Variants in ABCA13 observed in about 807,000 individuals in gnomAD.
ABCA13 encodes the protein ATP binding cassette subfamily A member 13.
A neutral mutation model predicts 478.7 loss-of-function variants in ABCA13; 476 were observed. That is an observed-to-expected ratio of 0.99 (90% CI 0.92 to 1.07). The LOEUF is 1.07. Among genes scored for constraint, ABCA13 ranks in the 50% least tolerant of loss-of-function variants. The pLI is 0.00. For missense variants in ABCA13, 6,060 were observed against 5,910.6 expected (o/e 1.03, Z -0.83); for synonymous variants, 2,252 against 2,158.9 (o/e 1.04, Z -1.20).
At chr7:48,307,595 T>C (rs1801095689) in intron 23 of ABCA13, among the ~76,000 whole-genome samples, 1 of 152,284 alleles carries the variant, frequency 6.6e-6, no homozygotes, top group African/African-American at 2.4e-5. Context: ...ACATTGTGTG[T>C]TTCTACATTT....
intron 8 of ABCA13, 128 bp from the exon 9 acceptor site, chr7:48,239,113 A>T: frequency 1.1e-6 from 1 of 948,720 alleles, no homozygotes. Context: ...CATAGATATC[A>T]TCACTTACTT....
chr7:48,355,522 T>C (rs556295985), intron 31 of ABCA13, among the ~76,000 whole-genome samples: 3 of 152,158 alleles, frequency 2.0e-5, no homozygotes, highest in African/African-American at 7.2e-5. Context: ...ATCTGACTTA[T>C]ACTGTAAAAG....
At position 48,273,635 on chromosome 7, in the gene ABCA13, C is replaced by A. The variant is rs1584553666; in HGVS notation, c.3969C>A (p.Ile1323=). 1.2e-6 allele frequency: 2 copies of A among 1,604,616 alleles called. No homozygotes were observed. The highest frequency in any genetic ancestry group is 1.3e-5 in the African/African-American group (1 of 74,762). The change falls in exon 17 of 62, where the codon ATC becomes ATA. Residue 1323 remains isoleucine (I), a synonymous_variant. Transcript: ENST00000435803. ...ATTATGGAGAAAAATTTGAAAATAT[C>A]ATCACTGAGCTAAGAGAAGCAATAG... ...LTNYGEKFEN[I]ITELREAIVF... is the part of the protein sequence containing the mutation.
chr7:48,353,164 C>A (rs1809324114), intron 31 of ABCA13, among the ~76,000 whole-genome samples: 1 of 151,670 alleles, frequency 6.6e-6, no homozygotes, highest in Non-Finnish European at 1.5e-5. Context: ...AGCTTGGACA[C>A]CTTGGCAGGT....
chr7:48,466,563 C>CT (rs946207496), intron 43 of ABCA13, among the ~76,000 whole-genome samples: 2 of 152,130 alleles, frequency 1.3e-5, no homozygotes, highest in African/African-American at 4.8e-5. Flanking sequence ...GGAGCTCCAA[C>CT]TTTAAGAGCA....
At chr7:48,284,969 CA>C (rs1797529483) in intron 19 of ABCA13, among the ~76,000 whole-genome samples, 1 of 152,136 alleles carries the variant, frequency 6.6e-6, no homozygotes, top group Non-Finnish European at 1.5e-5. Context: ...ATATTTTCGT[CA>C]TATCACAGAG....
intron 32 of ABCA13, among the ~76,000 whole-genome samples, chr7:48,370,107 C>G (rs574918029): frequency 6.6e-6 from 1 of 152,142 alleles, no homozygotes; most frequent in South Asian, 2.1e-4. Flanking sequence ...TGGTTCACCT[C>G]CTTGTTTAGG....
At chr7:48,543,777 CATT>C (rs1271821287) in intron 55 of ABCA13, among the ~76,000 whole-genome samples, 5 of 151,588 alleles carry the variant, frequency 3.3e-5, no homozygotes, top group East Asian at 1.9e-4. Context: ...TATTTTTAAT[CATT>C]ATAAACAACT....
intron 52 of ABCA13, among the ~76,000 whole-genome samples, chr7:48,518,818 A>G (rs1458985026): frequency 6.6e-6 from 1 of 152,142 alleles, no homozygotes; most frequent in Non-Finnish European, 1.5e-5. Flanking sequence ...AAATAAAAAT[A>G]TTTTAAGTTC....
intron 3 of ABCA13, among the ~76,000 whole-genome samples, chr7:48,216,144 C>T (rs946762161): frequency 5.9e-5 from 9 of 152,130 alleles, no homozygotes; most frequent in Non-Finnish European, 8.8e-5. Flanking sequence ...GATAGCTCTA[C>T]GTCTAACATT....
At chr7:48,442,187 C>T (rs1193704784) in intron 42 of ABCA13, among the ~76,000 whole-genome samples, 3 of 152,216 alleles carry the variant, frequency 2.0e-5, no homozygotes, top group African/African-American at 4.8e-5. Context: ...TCACGTTGCC[C>T]ATGTGTAAGC....
chr7:48,345,535 A>G (rs950277081), intron 29 of ABCA13, among the ~76,000 whole-genome samples: 5 of 152,200 alleles, frequency 3.3e-5, no homozygotes, highest in African/African-American at 1.2e-4. Flanking sequence ...TTAAAAAGAA[A>G]GAAAAAACCT....
chr7:48,192,064 T>C (rs151133899), intron 1 of ABCA13, among the ~76,000 whole-genome samples: 10,813 of 152,316 alleles, frequency 0.071, 469 homozygotes, highest in East Asian at 0.16. Flanking sequence ...TGCAAAATGA[T>C]GTCACATGAA....
intron 38 of ABCA13, among the ~76,000 whole-genome samples, chr7:48,395,081 T>C (rs1816651141): frequency 6.6e-6 from 1 of 152,196 alleles, no homozygotes; most frequent in Non-Finnish European, 1.5e-5. Flanking sequence ...GCCTCTCTCT[T>C]GCAGGCCTGT....
At chr7:48,182,196 T>C (rs1204400952) in intron 1 of ABCA13, among the ~76,000 whole-genome samples, 1 of 152,220 alleles carries the variant, frequency 6.6e-6, no homozygotes, top group African/African-American at 2.4e-5. Flanking sequence ...TAAATATGTA[T>C]ATTTAACTCC....
chr7:48,181,696 C>T (rs2128871645), intron 1 of ABCA13, among the ~76,000 whole-genome samples: 1 of 152,158 alleles, frequency 6.6e-6, no homozygotes, highest in South Asian at 2.1e-4. Flanking sequence ...TATGCCACTG[C>T]ATAGATTTAC....
intron 55 of ABCA13, among the ~76,000 whole-genome samples, chr7:48,548,548 A>ATTT (rs35317081): frequency 6.9e-6 from 1 of 144,746 alleles, no homozygotes; most frequent in African/African-American, 2.5e-5. Flanking sequence ...CATGTAACAC[A>ATTT]TTTTTTTTTT....
chr7:48,283,245 G>A (rs1797289925), intron 19 of ABCA13, among the ~76,000 whole-genome samples: 1 of 152,170 alleles, frequency 6.6e-6, no homozygotes, highest in Non-Finnish European at 1.5e-5. Context: ...CTGTGAGCCA[G>A]GAGTATGGAC....
At chr7:48,181,450 C>A (rs1226656964) in intron 1 of ABCA13, among the ~76,000 whole-genome samples, 2 of 150,880 alleles carry the variant, frequency 1.3e-5, no homozygotes, top group African/African-American at 5.0e-5. Flanking sequence ...AATTATACTT[C>A]ATTCATCCAT....
Sources: gnomAD v4.1 joint callset for allele counts (sites outside exome capture counted in the v4.1 genomes callset) on GRCh38, gnomAD v4.1.1 for gene constraint, MANE v1.5 for transcripts, NCBI Gene and HGNC (gene_info 2026-07-23, HGNC 2026-07-21) for gene names.